Variants in CPNE7 observed in about 807,000 individuals in gnomAD.
The protein encoded by CPNE7 is copine 7, also known as copine-7.
A neutral mutation model predicts 66.5 loss-of-function variants in CPNE7; 78 were observed. The ratio of observed to expected loss-of-function variants is 1.17; its 90% confidence interval spans 0.98 to 1.42. The LOEUF is 1.42. Ranked by LOEUF, CPNE7 falls within the 40% of genes most tolerant of loss-of-function variation. The pLI, the probability that CPNE7 is intolerant of heterozygous loss-of-function variation, is 0.00. For missense variants in CPNE7, 1,012 were observed against 776.6 expected (o/e 1.30, Z -3.60); for synonymous variants, 468 against 336.7 (o/e 1.39, Z -4.27).
Position 89,596,753 on chromosome 16 carries a change from G to A in CPNE7, c.*132G>A. On this transcript the variant is annotated 3_prime_UTR_variant, in exon 15 of 15. Transcript: ENST00000319518. ...CAGTCCCCACCAGGCCCCACTCCCA[G>A]TCCTCCTGGGATCCTGCTGGCTTGG... is the stretch of plus-strand genomic sequence containing the variant. 8.7e-7 allele frequency: 1 copy of A among 1,151,318 alleles called. No homozygotes were observed. The highest frequency in any genetic ancestry group is 1.1e-6 in the Non-Finnish European group (1 of 875,976). The allele number at this position is 1,151,318 out of a possible 1,614,324, so 71.3% of individuals were successfully genotyped here.
chr16:89,591,136 G>A lies in CPNE7; in HGVS notation c.1178G>A (p.Gly393Asp), dbSNP rs1358926591. 6.2e-7 allele frequency: 1 copy of A among 1,611,800 alleles called. No individual in the cohort carries two copies. Among genetic ancestry groups the A allele is most frequent in the Admixed American group, 1.7e-5 (1 of 59,704 alleles). ...PEDDECEGIQ[G>D]VVEAYQNCLP... is the part of the protein sequence containing the mutation. The stretch of plus-strand genomic sequence containing the variant: ...CCCCTGCCCCCCACAGGCATCCAGG[G>A]CGTGGTGGAGGCCTACCAGAACTGC... The change falls in exon 13 of 15, where the codon GGC (glycine) becomes GAC (aspartate). Residue 393 changes from glycine to aspartate, a missense_variant. Transcript: ENST00000319518.
In CPNE7 at chr16:89,584,689, G is replaced by A. The variant is rs2059008142; in HGVS notation, c.508-85G>A. On this transcript the variant is annotated intron_variant, in intron 4 of 14. Transcript: ENST00000319518. This position sits in a 1 kb window ranked among gnomAD's most constrained non-coding sequence, Gnocchi z 6.0. ...GAATTAGCGGCTGGTGGCATGAAGT[G>A]AGCCCTGGGAAACGACAAAGCCAGC... 2 of 986,244 alleles carry A rather than the reference G, an allele frequency of 2.0e-6. No homozygotes were observed. The highest frequency in any genetic ancestry group is 1.6e-5 in the African/African-American group (1 of 62,898). The allele number at this position is 986,244 out of a possible 1,614,324, so 61.1% of individuals were successfully genotyped here.
intron 9 of CPNE7, among the ~76,000 whole-genome samples, chr16:89,588,399 TAAG>T (rs2059117982): frequency 1.3e-5 from 2 of 152,086 alleles, no homozygotes; most frequent in South Asian, 4.1e-4. Context: ...GGGCGGCCAC[TAAG>T]AAGGATGGGC....
At chr16:89,592,248 T>C (rs1478112131) in intron 13 of CPNE7, among the ~76,000 whole-genome samples, 1 of 149,690 alleles carries the variant, frequency 6.7e-6, no homozygotes, top group Non-Finnish European at 1.5e-5. Context: ...TCTCCTGACC[T>C]CGTGATCCAC....
rs1168361782 is a variant in CPNE7 at position 89,586,895 on chromosome 16, GC to G, written c.867+140del. 10 of 1,101,766 alleles carry G rather than the reference GC, an allele frequency of 9.1e-6. No homozygotes were observed. In the African/African-American group the frequency reaches 1.6e-4, roughly 17 times the overall value. 68.2% of individuals were successfully genotyped at this position (1,101,766 alleles called of 1,614,324 possible). A position where few individuals can be genotyped will look rare whatever the true frequency, so the allele number is the denominator to read the frequency against. On this transcript the variant is annotated intron_variant, in intron 8 of 14. Transcript: ENST00000319518. ...GGGAGGGGCTGAGAGACGGGGAAGG[GC>G]GAGGTTGGGGAGAGAGGATGGGGGA... is the stretch of plus-strand genomic sequence containing the variant.
Position 89,585,796 on chromosome 16 carries a change from C to G in CPNE7, c.780+11C>G. The stretch of plus-strand genomic sequence containing the variant: ...TTTGAGGAGGGGCAGGTGAGCAGGA[C>G]GGGGTAGGGGGTCCTCCAGGGAGGG... On this transcript the variant is annotated intron_variant, in intron 7 of 14. Coordinates refer to ENST00000319518, the MANE Select transcript of CPNE7 (RefSeq NM_153636.3). The G allele has an allele frequency of 1.6e-6, 1 of 608,396 alleles. No homozygotes were observed. Among genetic ancestry groups the G allele is most frequent in the Non-Finnish European group, 2.2e-6 (1 of 456,160 alleles). 37.7% of individuals were successfully genotyped at this position (608,396 alleles called of 1,614,324 possible).
At chr16:89,576,812 G>C (rs567018338) in intron 1 of CPNE7, among the ~76,000 whole-genome samples, 9 of 152,262 alleles carry the variant, frequency 5.9e-5, no homozygotes, top group Non-Finnish European at 1.3e-4. Flanking sequence ...GAAGGGACGC[G>C]GTCACCCGGT....
chr16:89,580,239 A>G (rs74037227), intron 2 of CPNE7, among the ~76,000 whole-genome samples: 9,016 of 16,734 alleles, frequency 0.54, 3,723 homozygotes, highest in Admixed American at 0.75. Flanking sequence ...CATCTCCCCC[A>G]TCACACGGAA....
intron 9 of CPNE7, chr16:89,587,860 A>C (rs1337176124): frequency 1.9e-5 from 1 of 52,070 alleles, no homozygotes; most frequent in Non-Finnish European, 4.0e-5. Flanking sequence ...CGTGTTACCC[A>C]CAGATACACG....
chr16:89,593,203 A>C (rs903174334), intron 13 of CPNE7, among the ~76,000 whole-genome samples: 3 of 152,236 alleles, frequency 2.0e-5, no homozygotes, highest in African/African-American at 7.2e-5. Context: ...TCTTCAAGCC[A>C]AATGGGAACC....
In CPNE7 at chr16:89,589,911, C is replaced by T. The variant is rs2059143197; in HGVS notation, c.1076C>T (p.Ser359Phe). 1.2e-6 allele frequency: 2 copies of T among 1,613,682 alleles called. No homozygotes were observed. Among genetic ancestry groups the T allele is most frequent in the African/African-American group, 1.3e-5 (1 of 74,936 alleles). Residue 359 changes from serine (S) to phenylalanine (F), a missense_variant, in exon 11 of 15, where the codon TCC becomes TTC. By Grantham distance (155) the Ser-to-Phe change is radical. Transcript: ENST00000319518. ...CTCTCTTCCAGTGACAAGAGGTTTT[C>T]CGCTTTGGGGTTTGGAGCCCGGATC... ...CQDYDSDKRF[S>F]ALGFGARIPP...
intron 14 of CPNE7, chr16:89,595,879 G>A (rs147239222): frequency 6.8e-5 from 41 of 606,950 alleles, no homozygotes; most frequent in East Asian, 5.5e-4. Flanking sequence ...GGCTTCCCCC[G>A]TTGCTGCCAA....
chr16:89,584,033 C>G lies in CPNE7; in HGVS notation c.438C>G (p.Ile146Met). ...CCCGGGCGTCCCCCTGCCAGGTGAT[C>G]GCCGAGGACATCTCGGGGAACAACG... ...RNAGKSTITVIAEDISGNNGY... is the reference protein window; with the variant it reads ...RNAGKSTITVMAEDISGNNGY... Residue 146 changes from isoleucine (I) to methionine (M), a missense_variant, in exon 4 of 15, where the codon ATC becomes ATG. Physicochemically the swap from Ile to Met is conservative, Grantham distance 10. Coordinates refer to ENST00000319518, the MANE Select transcript of CPNE7 (RefSeq NM_153636.3). This position sits in a 1 kb window ranked among gnomAD's most constrained non-coding sequence, Gnocchi z 6.0. 4 of 1,612,086 alleles carry G rather than the reference C, an allele frequency of 2.5e-6. No homozygotes were observed. The highest frequency in any genetic ancestry group is 2.5e-6 in the Non-Finnish European group (3 of 1,179,602).
rs112267500 is a variant in CPNE7, at chr16:89,592,031, G to A, written c.1302+771G>A. On this transcript the variant is annotated intron_variant, in intron 13 of 14. Transcript: ENST00000319518. The stretch of plus-strand genomic sequence containing the variant: ...TTTTGTTGTTTTTTTTTTTTGAGAC[G>A]GAGTCTCGCTCTGTCACCCAGGCTG... 5.1e-3 allele frequency among the ~76,000 whole-genome samples: 641 copies of A among 126,196 alleles called. 15 individuals are homozygous for A. Among genetic ancestry groups the A allele is most frequent in the African/African-American group, 0.019 (621 of 32,192 alleles). The allele number at this position is 126,196 out of a possible 152,430, so 82.8% of individuals were successfully genotyped here. A position where few individuals can be genotyped will look rare whatever the true frequency, so the allele number is the denominator to read the frequency against.
chr16:89,588,718 G>C lies in CPNE7; in HGVS notation c.971G>C (p.Ser324Thr). ...GCCTCCAATGGAGACCCGCGGAACA[G>C]CTGCTCCCTGCACTACATCAACCCC... ...FTASNGDPRNSCSLHYINPYQ... is the reference protein window; with the variant it reads ...FTASNGDPRNTCSLHYINPYQ... Residue 324 changes from serine (S) to threonine (T), a missense_variant, in exon 10 of 15, where the codon AGC becomes ACC. Coordinates refer to ENST00000319518, the MANE Select transcript of CPNE7 (RefSeq NM_153636.3). 1 of 1,613,562 alleles carries C rather than the reference G, an allele frequency of 6.2e-7. No individual in the cohort carries two copies. Among genetic ancestry groups the C allele is most frequent in the South Asian group, 1.1e-5 (1 of 91,088 alleles).
Position 89,585,678 on chromosome 16 carries a change from G to GC in CPNE7, c.682-8dup, listed in dbSNP as rs1290509072. 1 of 1,552,638 alleles carries GC rather than the reference G, an allele frequency of 6.4e-7. No individual in the cohort carries two copies. The highest frequency in any genetic ancestry group is 2.4e-5 in the East Asian group (1 of 41,132). ...AGACAGCAGTGCTGAGGAGGACTGG[G>GC]CTCCCCAGTGCCTGGTCTGGGATTA... On this transcript the variant is annotated splice_polypyrimidine_tract_variant and intron_variant, in intron 6 of 14. Coordinates refer to ENST00000319518, the MANE Select transcript of CPNE7 (RefSeq NM_153636.3).
At chr16:89,585,410 C>A (rs2377061) in intron 5 of CPNE7, 54 bp from the exon 6 acceptor site, 180 of 1,296,230 alleles carry the variant, frequency 1.4e-4, no homozygotes, top group South Asian at 4.0e-4. Flanking sequence ...TCTATCCCCC[C>A]CAAGGATCCC....
At chr16:89,580,262 T>C (rs1444355360) in intron 2 of CPNE7, among the ~76,000 whole-genome samples, 6 of 76,838 alleles carry the variant, frequency 7.8e-5, no homozygotes, top group East Asian at 4.3e-4. Flanking sequence ...TCCCATCACC[T>C]GCAGACACAG....
intron 3 of CPNE7, 52 bp from the exon 4 acceptor site, chr16:89,583,973 CGGT>C: frequency 6.3e-7 from 1 of 1,582,884 alleles, no homozygotes; most frequent in Admixed American, 1.8e-5. Flanking sequence ...TGGTCCCCCA[CGGT>C]GGGGTCAGGC....
Sources: gnomAD v4.1 joint callset for allele counts (sites outside exome capture counted in the v4.1 genomes callset) on GRCh38, gnomAD v4.1.1 for gene constraint, Gnocchi (gnomAD v3.1) non-coding constraint, MANE v1.5 for transcripts, NCBI Gene and HGNC (gene_info 2026-07-23, HGNC 2026-07-21) for gene names.